Variants in DOCK3 observed in about 807,000 individuals in gnomAD.
DOCK3 encodes dedicator of cytokinesis protein 3.
DOCK3 carries 60 observed loss-of-function variants against 265.6 expected under a neutral mutation model. The ratio of observed to expected loss-of-function variants is 0.23; its 90% CI spans 0.18 to 0.28. The LOEUF is 0.28. DOCK3 is among the 10% of genes least tolerant of loss of function. DOCK3 has a pLI of 1.00. For synonymous variants in DOCK3, 881 were observed against 938.0 expected (o/e 0.94, Z 1.11); for missense variants, 1,981 against 2,594.3 (o/e 0.76, Z 5.14).
intron 12 of DOCK3, among the ~76,000 whole-genome samples, chr3:51,204,551 C>G (rs1428742303): frequency 5.4e-5 from 8 of 147,720 alleles, no homozygotes; most frequent in Non-Finnish European, 1.2e-4. Flanking sequence ...AATAGGAATA[C>G]TTTTACACTG....
In DOCK3 at chr3:50,676,534, T is replaced by TA. The variant is rs2033968034; in HGVS notation, c.37+1235dup. ...TCTAGGGACATTTTACCCCTTCTCT[T>TA]AGAGTATTCCCTGAATACTGAGTTG... On this transcript the variant is annotated intron_variant, in intron 1 of 52. Transcript: ENST00000266037. Among the ~76,000 whole-genome samples the TA allele has an allele frequency of 1.3e-5, 2 of 152,188 alleles. 1 individual carries two copies. The highest frequency in any genetic ancestry group is 4.1e-4 in the South Asian group (2 of 4,826).
chr3:50,874,051 TTTTTC>T (rs1194547179), intron 3 of DOCK3, among the ~76,000 whole-genome samples: 3 of 142,014 alleles, frequency 2.1e-5, no homozygotes, highest in East Asian at 3.2e-4. Context: ...TGTTTTTTTT[TTTTTC>T]TTTTCTTTTG....
chr3:51,288,921 T>G (rs190787655), intron 27 of DOCK3, among the ~76,000 whole-genome samples: 32 of 151,742 alleles, frequency 2.1e-4, no homozygotes, highest in African/African-American at 7.3e-4. Context: ...TGTGTGTGTG[T>G]GTGTGCCCAT....
At chr3:51,346,827 C>G (rs1428623494) in intron 38 of DOCK3, among the ~76,000 whole-genome samples, 1 of 152,180 alleles carries the variant, frequency 6.6e-6, no homozygotes, top group East Asian at 1.9e-4. Flanking sequence ...TAATGATCAC[C>G]ATTCTAACTG....
chr3:51,361,474 T>A lies in DOCK3; in HGVS notation c.5007-385T>A, dbSNP rs1202705121. 9.9e-6 allele frequency among the ~76,000 whole-genome samples: 1 copy of A among 100,578 alleles called. No homozygotes were observed. The highest frequency in any genetic ancestry group is 1.1e-4 in the Admixed American group (1 of 8,716). The allele number at this position is 100,578 out of a possible 152,430, so 66.0% of individuals were successfully genotyped here. A position where few individuals can be genotyped will look rare whatever the true frequency, so the allele number is the denominator to read the frequency against. On this transcript the variant is annotated intron_variant, in intron 47 of 52. Transcript: ENST00000266037. The surrounding 1 kb of genome is among the most constrained non-coding windows in gnomAD (Gnocchi z 4.2). The stretch of plus-strand genomic sequence containing the variant: ...CCAAGAAGCAGATCCCATCATGGTG[T>A]GGGGGGGTTGGGGGGTGGGCACTGA...
At chr3:50,860,184 A>G (rs2046840289) in intron 3 of DOCK3, among the ~76,000 whole-genome samples, 1 of 152,220 alleles carries the variant, frequency 6.6e-6, no homozygotes, top group Non-Finnish European at 1.5e-5. Flanking sequence ...TGCAGGAGAC[A>G]GAATGGCCTG....
chr3:50,996,779 A>C (rs975100385), intron 5 of DOCK3, among the ~76,000 whole-genome samples: 4 of 152,190 alleles, frequency 2.6e-5, no homozygotes, highest in African/African-American at 9.7e-5. Context: ...TGAGCTTTTT[A>C]AAATGCATAC....
intron 27 of DOCK3, among the ~76,000 whole-genome samples, chr3:51,296,995 G>A (rs1013006129): frequency 1.1e-4 from 16 of 151,228 alleles, no homozygotes; most frequent in African/African-American, 3.4e-4. Flanking sequence ...GCGGGCACTT[G>A]TAATCCCAGC....
chr3:51,220,653 T>G (rs2090028969), intron 14 of DOCK3, among the ~76,000 whole-genome samples: 1 of 26,746 alleles, frequency 3.7e-5, no homozygotes, highest in Non-Finnish European at 7.2e-5. Flanking sequence ...CAAGACTCCA[T>G]CTCAAAAAAA....
chr3:51,311,076 AAAC>A (rs1327064274), intron 28 of DOCK3, among the ~76,000 whole-genome samples: 2 of 152,260 alleles, frequency 1.3e-5, no homozygotes, highest in Non-Finnish European at 1.5e-5. Flanking sequence ...GGATGATTGT[AAAC>A]AAAGTTGCAC....
At chr3:50,739,060 G>GT (rs149911773) in intron 1 of DOCK3, among the ~76,000 whole-genome samples, 13 of 152,168 alleles carry the variant, frequency 8.5e-5, no homozygotes, top group Non-Finnish European at 8.8e-5. Flanking sequence ...TTCCACTTGA[G>GT]TTTTTGGGGG....
chr3:51,189,299 T>C (rs568437781), intron 12 of DOCK3, among the ~76,000 whole-genome samples: 265 of 152,252 alleles, frequency 1.7e-3, no homozygotes, highest in Non-Finnish European at 3.2e-3. Context: ...GGGGTACAGG[T>C]GGTTTTGGGT....
intron 5 of DOCK3, among the ~76,000 whole-genome samples, chr3:50,987,982 A>C (rs955107843): frequency 6.6e-6 from 1 of 152,184 alleles, no homozygotes; most frequent in African/African-American, 2.4e-5. Context: ...GCTGAAAAGT[A>C]GGAGGTTAGA....
chr3:51,315,595 G>C (rs1241166858), intron 32 of DOCK3, among the ~76,000 whole-genome samples: 1 of 152,126 alleles, frequency 6.6e-6, no homozygotes, highest in Non-Finnish European at 1.5e-5. Context: ...CAACTGAATG[G>C]CTTCAGGCTG....
At chr3:51,321,193 G>T (rs1336193493) in intron 32 of DOCK3, among the ~76,000 whole-genome samples, 1 of 152,202 alleles carries the variant, frequency 6.6e-6, no homozygotes, top group Non-Finnish European at 1.5e-5. Context: ...ACAGGGTCTG[G>T]AGTGGATGTC....
chr3:50,957,613 G>A (rs1488449451), intron 5 of DOCK3, among the ~76,000 whole-genome samples: 1 of 152,240 alleles, frequency 6.6e-6, no homozygotes, highest in African/African-American at 2.4e-5. Context: ...AGAACCAAAC[G>A]TTTCATGGAG....
chr3:51,363,793 A>G (rs2086918622), intron 49 of DOCK3, among the ~76,000 whole-genome samples: 1 of 152,174 alleles, frequency 6.6e-6, no homozygotes, highest in African/African-American at 2.4e-5. Context: ...AGCTTCATCC[A>G]TATCCCTACA....
At chr3:51,291,943 A>C (rs912506005) in intron 27 of DOCK3, among the ~76,000 whole-genome samples, 1 of 152,242 alleles carries the variant, frequency 6.6e-6, no homozygotes, top group African/African-American at 2.4e-5. Context: ...TTGGTTCAAC[A>C]TACTCAGATC....
intron 9 of DOCK3, among the ~76,000 whole-genome samples, chr3:51,136,260 G>C (rs181728021): frequency 6.7e-6 from 1 of 149,226 alleles, no homozygotes; most frequent in Non-Finnish European, 1.5e-5. Context: ...ATGGAGTCTC[G>C]CTCGTCACCC....
Sources: gnomAD v4.1 joint callset for allele counts (sites outside exome capture counted in the v4.1 genomes callset) on GRCh38, gnomAD v4.1.1 for gene constraint, Gnocchi (gnomAD v3.1) non-coding constraint, MANE v1.5 for transcripts, NCBI Gene and HGNC (gene_info 2026-07-23, HGNC 2026-07-21) for gene names.